Variants in ARNT observed in about 807,000 individuals in gnomAD.
ARNT encodes class E basic helix-loop-helix protein 2.
A neutral mutation model predicts 105.0 loss-of-function variants in ARNT; 30 were observed. The ratio of observed to expected loss-of-function variants is 0.29; its 90% CI spans 0.21 to 0.39. The LOEUF is 0.39. Among genes scored for constraint, ARNT ranks in the 10% least tolerant of loss-of-function variants. The pLI is 1.00. For synonymous variants in ARNT, 304 were observed against 344.0 expected (o/e 0.88, Z 1.29); for missense variants, 748 against 978.7 (o/e 0.76, Z 3.15).
chr1:150,863,597 G>C (rs1666040471), intron 1 of ARNT, among the ~76,000 whole-genome samples: 1 of 152,084 alleles, frequency 6.6e-6, no homozygotes, highest in Admixed American at 6.6e-5. Context: ...GGGAGGCCGA[G>C]GTGGGTGGAT....
chr1:150,824,938 T>G (rs1480698597), intron 13 of ARNT, among the ~76,000 whole-genome samples: 1 of 152,206 alleles, frequency 6.6e-6, no homozygotes, highest in Non-Finnish European at 1.5e-5. Flanking sequence ...CTTGGGTCAC[T>G]GCAACCTCTG....
chr1:150,861,264 C>T (rs774811755), intron 1 of ARNT: 81 of 427,830 alleles, frequency 1.9e-4, no homozygotes, highest in South Asian at 9.1e-4. Flanking sequence ...CCCAGCTACT[C>T]GGGGTCTGAG....
At chr1:150,843,376 G>A (rs2102007224) in intron 4 of ARNT, among the ~76,000 whole-genome samples, 1 of 152,230 alleles carries the variant, frequency 6.6e-6, no homozygotes, top group African/African-American at 2.4e-5. Context: ...TAGATAAAGA[G>A]GCCCTGAATA....
rs867577201 is a variant in ARNT, at chr1:150,817,797, G to A, written c.1505+123C>T. On this transcript the variant is annotated intron_variant, in intron 15 of 21. Transcript: ENST00000358595. ...GTATTCCATCCAGCCTGAGCAATGAGAGCAAAACTCCTTCTCAAAAAAAAA... is the reference window on the plus strand; with the variant it reads ...GTATTCCATCCAGCCTGAGCAATGAAAGCAAAACTCCTTCTCAAAAAAAAA... 19 of 740,670 alleles carry A rather than the reference G, an allele frequency of 2.6e-5. No individual in the cohort carries two copies. In the Admixed American group the frequency reaches 5.2e-4, roughly 20 times the overall value. 45.9% of individuals were successfully genotyped at this position (740,670 alleles called of 1,614,324 possible). A position where few individuals can be genotyped will look rare whatever the true frequency, so the allele number is the denominator to read the frequency against.
In ARNT at chr1:150,810,836, A is replaced by G. The variant is rs894826989; in HGVS notation, c.*1185T>C. ...ACCCAATCTCAAGATTGGAGGGAGC[A>G]AAGAGGAAAAACCTCTTAGGGCCAG... On this transcript the variant is annotated 3_prime_UTR_variant, in exon 22 of 22. Transcript: ENST00000358595. 2 of 222,880 alleles carry G rather than the reference A, an allele frequency of 9.0e-6. No homozygotes were observed. The highest frequency in any genetic ancestry group is 2.2e-5 in the African/African-American group (1 of 44,714). The allele number at this position is 222,880 out of a possible 1,614,324, so 13.8% of individuals were successfully genotyped here.
intron 12 of ARNT, among the ~76,000 whole-genome samples, chr1:150,827,649 T>C (rs983132435): frequency 6.6e-6 from 1 of 152,228 alleles, no homozygotes; most frequent in South Asian, 2.1e-4. Flanking sequence ...TGTACAAATC[T>C]ATGGGTGAAC....
chr1:150,814,117 A>AGCACCAGGCGATGCAGTTGGG lies in ARNT; in HGVS notation c.2052_2072dup (p.Pro685_Ala691dup). 1 of 1,614,188 alleles carries AGCACCAGGCGATGCAGTTGGG rather than the reference A, an allele frequency of 6.2e-7. No homozygotes were observed. ...GATTGGTGAGACTAGGGTAGGCAGC[A>AGCACCAGGCGATGCAGTTGGG]GCACCAGGCGATGCAGTTGGGGCAC... On this transcript the variant is annotated inframe_insertion, in exon 20 of 22. Coordinates refer to ENST00000358595, the MANE Select transcript of ARNT (RefSeq NM_001668.4).
intron 5 of ARNT, among the ~76,000 whole-genome samples, chr1:150,840,467 T>G (rs1661075733): frequency 6.6e-6 from 1 of 152,350 alleles, no homozygotes; most frequent in South Asian, 2.1e-4. Flanking sequence ...TTCCTTGGTC[T>G]ATAAAATATG....
At chr1:150,876,427 C>G in intron 1 of ARNT, 116 bp downstream of exon 1, 15 of 1,490,514 alleles carry the variant, frequency 1.0e-5, no homozygotes, top group Non-Finnish European at 1.3e-5. Context: ...CTCGCGGCCC[C>G]CGCCCCGCCC....
chr1:150,845,972 C>T (rs1480083437), intron 4 of ARNT, among the ~76,000 whole-genome samples: 1 of 152,176 alleles, frequency 6.6e-6, no homozygotes, highest in Non-Finnish European at 1.5e-5. Flanking sequence ...ATAATAAATG[C>T]AAGCACAAAA....
intron 15 of ARNT, 50 bp downstream of exon 15, chr1:150,817,870 A>G: frequency 7.1e-7 from 1 of 1,416,224 alleles, no homozygotes; most frequent in Non-Finnish European, 9.7e-7. Flanking sequence ...ATTGCAAATG[A>G]CCACCCCCTG....
chr1:150,813,581 T>A (rs975956676), intron 20 of ARNT, among the ~76,000 whole-genome samples: 5 of 152,202 alleles, frequency 3.3e-5, no homozygotes, highest in African/African-American at 9.6e-5. Context: ...ATTAAATGTA[T>A]AAAAATTCAC....
intron 7 of ARNT, 107 bp downstream of exon 7, chr1:150,836,173 G>T: frequency 9.7e-7 from 1 of 1,029,668 alleles, no homozygotes; most frequent in Non-Finnish European, 1.4e-6. Flanking sequence ...AATTCTTGAA[G>T]CCTTGCCAGA....
At position 150,811,265 on chromosome 1, in the gene ARNT, G is replaced by A. The variant is rs1654663706; in HGVS notation, c.*756C>T. On this transcript the variant is annotated 3_prime_UTR_variant, in exon 22 of 22. Coordinates refer to ENST00000358595, the MANE Select transcript of ARNT (RefSeq NM_001668.4). ...TTTGCTTTACAGTTGTATATTGGCT[G>A]GGCATGGATGCAAGCGCAGCAAAGA... is the stretch of plus-strand genomic sequence containing the variant. The A allele has an allele frequency of 8.6e-6, 2 of 233,572 alleles. No individual in the cohort carries two copies. The highest frequency in any genetic ancestry group is 1.7e-5 in the Non-Finnish European group (2 of 118,000). The allele number at this position is 233,572 out of a possible 1,614,324, so 14.5% of individuals were successfully genotyped here.
chr1:150,824,730 T>G (rs1054009522), intron 13 of ARNT, among the ~76,000 whole-genome samples: 1 of 151,738 alleles, frequency 6.6e-6, no homozygotes, highest in Non-Finnish European at 1.5e-5. Context: ...GCTGGGATTA[T>G]AGGTGTGAGC....
intron 1 of ARNT, among the ~76,000 whole-genome samples, chr1:150,865,944 T>C (rs749281228): frequency 6.6e-6 from 1 of 152,134 alleles, no homozygotes; most frequent in Non-Finnish European, 1.5e-5. Context: ...TAAATTAGAA[T>C]TTATTTTCCC....
intron 1 of ARNT, chr1:150,861,346 TA>T: frequency 5.2e-6 from 2 of 383,926 alleles, no homozygotes; most frequent in Non-Finnish European, 1.0e-5. Flanking sequence ...AAAATTAAAT[TA>T]AAAATAGAAT....
At chr1:150,854,712 C>T (rs1664251999) in intron 2 of ARNT, among the ~76,000 whole-genome samples, 1 of 151,752 alleles carries the variant, frequency 6.6e-6, no homozygotes, top group Non-Finnish European at 1.5e-5. Flanking sequence ...CAAAAATTAG[C>T]TGGGTGTGGT....
At chr1:150,841,909 C>T (rs898199560) in intron 5 of ARNT, among the ~76,000 whole-genome samples, 14 of 152,112 alleles carry the variant, frequency 9.2e-5, no homozygotes, top group Non-Finnish European at 1.5e-4. Context: ...AGAAAACTAC[C>T]GCAAGAAAGG....
Sources: gnomAD v4.1 joint callset for allele counts (sites outside exome capture counted in the v4.1 genomes callset) on GRCh38, gnomAD v4.1.1 for gene constraint, MANE v1.5 for transcripts, NCBI Gene and HGNC (gene_info 2026-07-23, HGNC 2026-07-21) for gene names.